KHDRBS2: variants seen among roughly 807,000 people sequenced by gnomAD.
KHDRBS2 encodes the protein KH domain-containing, RNA-binding, signal transduction-associated protein 2.
A neutral mutation model predicts 44.3 loss-of-function variants in KHDRBS2; 26 were observed. That is an observed-to-expected ratio of 0.59 (90% CI 0.43 to 0.81). The LOEUF is 0.81. KHDRBS2 is among the 40% of genes least tolerant of loss of function. The probability of loss-of-function intolerance (pLI) is 0.00; values close to 1 mark genes in which losing one functional copy is unlikely to be tolerated. For missense variants in KHDRBS2, 476 were observed against 433.1 expected (o/e 1.10, Z -0.88); for synonymous variants, 194 against 151.1 (o/e 1.28, Z -2.08).
At chr6:62,246,561 C>T (rs992662016) in intron 1 of KHDRBS2, among the ~76,000 whole-genome samples, 2 of 151,966 alleles carry the variant, frequency 1.3e-5, no homozygotes, top group Non-Finnish European at 2.9e-5. Flanking sequence ...GAAATAAGAA[C>T]CTTTCAGTGC....
intron 4 of KHDRBS2, among the ~76,000 whole-genome samples, chr6:61,938,052 A>G: frequency 6.6e-6 from 1 of 152,108 alleles, no homozygotes; most frequent in East Asian, 1.9e-4. Flanking sequence ...AGCCCCAAGC[A>G]ATCAACACAA....
the KHDRBS2 span, among the ~76,000 whole-genome samples, chr6:61,604,483 A>G: frequency 1.3e-5 from 2 of 152,170 alleles, no homozygotes; most frequent in African/African-American, 2.4e-5. Flanking sequence ...ACCAAAGAAA[A>G]TATCTCCTTC....
At chr6:62,079,762 G>A (rs1395895882) in intron 2 of KHDRBS2, among the ~76,000 whole-genome samples, 4 of 152,020 alleles carry the variant, frequency 2.6e-5, no homozygotes, top group South Asian at 2.1e-4. Context: ...TAAGAGGGAG[G>A]ATGAAAGGAC....
In KHDRBS2 at chr6:61,824,524, C is replaced by T. The variant is rs189099452; in HGVS notation, c.810+70111G>A. Among the ~76,000 whole-genome samples the T allele has an allele frequency of 2.6e-5, 4 of 152,154 alleles. No individual in the cohort carries two copies. The East Asian group carries it at 5.8e-4, about 22-fold the overall frequency. ...TAACCCTCCTGTCTTCATAAACTAC[C>T]GAGTCTCGGGTAGTTCTTTATAGCA... On this transcript the variant is annotated intron_variant, in intron 6 of 8. Transcript: ENST00000281156.
intron 3 of KHDRBS2, among the ~76,000 whole-genome samples, chr6:62,035,422 T>C (rs1050158608): frequency 6.6e-6 from 1 of 151,980 alleles, no homozygotes; most frequent in Non-Finnish European, 1.5e-5. Flanking sequence ...TTGTCACTTA[T>C]TTGTGGGGTC....
intron 4 of KHDRBS2, among the ~76,000 whole-genome samples, chr6:61,972,628 T>C (rs1258293097): frequency 6.6e-6 from 1 of 152,204 alleles, no homozygotes; most frequent in Non-Finnish European, 1.5e-5. Flanking sequence ...ATCTGGATTA[T>C]GGATTCTGCT....
At chr6:61,695,603 C>T (rs1767817066) in intron 8 of KHDRBS2, among the ~76,000 whole-genome samples, 1 of 152,122 alleles carries the variant, frequency 6.6e-6, no homozygotes, top group African/African-American at 2.4e-5. Flanking sequence ...AGTTGAGCTT[C>T]ATAGCCATAC....
chr6:62,165,278 T>C (rs1447466987), intron 2 of KHDRBS2, among the ~76,000 whole-genome samples: 2 of 150,572 alleles, frequency 1.3e-5, no homozygotes, highest in African/African-American at 4.8e-5. Context: ...TATTTATTCA[T>C]TGGCGCTTAA....
the KHDRBS2 span, among the ~76,000 whole-genome samples, chr6:61,626,436 C>T: frequency 6.6e-6 from 1 of 152,076 alleles, no homozygotes; most frequent in Non-Finnish European, 1.5e-5. Context: ...GCTAAGTTTC[C>T]ACTGGTATGC....
intron 6 of KHDRBS2, among the ~76,000 whole-genome samples, chr6:61,755,688 G>A (rs1382195225): frequency 6.6e-6 from 1 of 151,396 alleles, no homozygotes; most frequent in Non-Finnish European, 1.5e-5. Context: ...GTGTGTGCCT[G>A]TAATCCTAGC....
intron 6 of KHDRBS2, among the ~76,000 whole-genome samples, chr6:61,757,657 C>T (rs1778690677): frequency 6.6e-6 from 1 of 151,972 alleles, no homozygotes; most frequent in Non-Finnish European, 1.5e-5. Flanking sequence ...TTCCGTTTTT[C>T]CTCTTTTTCT....
the KHDRBS2 span, among the ~76,000 whole-genome samples, chr6:61,572,099 G>A: frequency 6.6e-6 from 1 of 151,922 alleles, no homozygotes; most frequent in Non-Finnish European, 1.5e-5. Flanking sequence ...GAAGAGAGAA[G>A]ATCCAAATAA....
intron 2 of KHDRBS2, among the ~76,000 whole-genome samples, chr6:62,061,398 G>C (rs967128047): frequency 5.3e-5 from 8 of 151,506 alleles, no homozygotes; most frequent in African/African-American, 1.9e-4. Flanking sequence ...GCATTTGCTT[G>C]TCTGTAAAGG....
At chr6:62,132,665 T>G (rs763323410) in intron 2 of KHDRBS2, among the ~76,000 whole-genome samples, 2 of 152,188 alleles carry the variant, frequency 1.3e-5, no homozygotes, top group Non-Finnish European at 2.9e-5. Context: ...CATAAAAACC[T>G]ATCAACCATT....
chr6:61,725,791 G>C (rs1442228363), intron 7 of KHDRBS2, among the ~76,000 whole-genome samples: 1 of 152,082 alleles, frequency 6.6e-6, no homozygotes, highest in Non-Finnish European at 1.5e-5. Flanking sequence ...CTGAAATTGA[G>C]GCAGTAATAA....
At chr6:62,107,164 C>T (rs1309498744) in intron 2 of KHDRBS2, among the ~76,000 whole-genome samples, 1 of 151,896 alleles carries the variant, frequency 6.6e-6, no homozygotes, top group East Asian at 1.9e-4. Flanking sequence ...TCCCTGTTTG[C>T]AGATGACATG....
At chr6:61,696,616 A>G (rs1376535992) in intron 8 of KHDRBS2, among the ~76,000 whole-genome samples, 3 of 152,122 alleles carry the variant, frequency 2.0e-5, no homozygotes, top group Non-Finnish European at 2.9e-5. Flanking sequence ...GTATTGATAT[A>G]TCATAGAAAT....
chr6:61,696,201 T>C (rs1243985646), intron 8 of KHDRBS2, among the ~76,000 whole-genome samples: 10 of 151,824 alleles, frequency 6.6e-5, no homozygotes, highest in Non-Finnish European at 1.3e-4. Context: ...TTAGTAACAT[T>C]TTTCAAGGTG....
At chr6:61,899,505 T>C (rs1178159419) in intron 5 of KHDRBS2, among the ~76,000 whole-genome samples, 3 of 151,944 alleles carry the variant, frequency 2.0e-5, no homozygotes, top group African/African-American at 7.2e-5. Context: ...CAATCAAATT[T>C]TTCTTCTAAG....
Sources: allele counts gnomAD v4.1 joint callset (sites outside exome capture counted in the v4.1 genomes callset), GRCh38; gene constraint gnomAD v4.1.1; transcripts MANE v1.5; gene names NCBI Gene and HGNC (gene_info 2026-07-23, HGNC 2026-07-21).